The following NOS2 variants were observed in gnomAD, a reference collection of about 807,000 sequenced individuals.
NOS2 encodes nitric oxide synthase, inducible.
In NOS2, 96 loss-of-function variants were observed where a neutral mutation model predicts 136.0. That is an observed-to-expected ratio of 0.71 (90% CI 0.60 to 0.84). The LOEUF is 0.84. Among genes scored for constraint, NOS2 ranks in the 40% least tolerant of loss-of-function variants. The pLI, the probability that NOS2 is intolerant of heterozygous loss-of-function variation, is 0.00. For synonymous variants in NOS2, 539 were observed against 587.5 expected (o/e 0.92, Z 1.20); for missense variants, 1,237 against 1,496.9 (o/e 0.83, Z 2.87).
intron 11 of NOS2, among the ~76,000 whole-genome samples, chr17:27,777,265 G>A (rs1908689449): frequency 6.6e-6 from 1 of 152,234 alleles, no homozygotes; most frequent in African/African-American, 2.4e-5. Context: ...AAACACTGCT[G>A]AATGAATGAA....
rs563500218 is a variant in NOS2 at position 27,763,867 on chromosome 17, C to T, written c.2592+114G>A. The T allele has an allele frequency of 3.6e-3, 2,942 of 819,394 alleles. 9 individuals are homozygous for T. Among genetic ancestry groups the T allele is most frequent in the Middle Eastern group, 5.6e-3 (15 of 2,690 alleles). The allele number at this position is 819,394 out of a possible 1,614,324, so 50.8% of individuals were successfully genotyped here. A position where few individuals can be genotyped will look rare whatever the true frequency, so the allele number is the denominator to read the frequency against. Reference sequence around the variant, plus strand: ...TCCCACCAGCCTTTGACAAGTCTCACTTTGGGAACCTGGTGTGGATCCCTC... The same window carrying T: ...TCCCACCAGCCTTTGACAAGTCTCATTTTGGGAACCTGGTGTGGATCCCTC... On this transcript the variant is annotated intron_variant, in intron 21 of 26. Transcript: ENST00000313735.
chr17:27,770,109 C>T (rs763036032), intron 15 of NOS2, among the ~76,000 whole-genome samples: 7 of 152,196 alleles, frequency 4.6e-5, no homozygotes, highest in South Asian at 2.1e-4. Context: ...TTTCATTCTT[C>T]GGAGCACTGG....
intron 12 of NOS2, among the ~76,000 whole-genome samples, chr17:27,773,932 A>G (rs1908578966): frequency 6.6e-6 from 1 of 152,200 alleles, no homozygotes; most frequent in Admixed American, 6.5e-5. Context: ...GGCAGAATCA[A>G]TAGCGTCTGA....
intron 13 of NOS2, 28 bp from the exon 14 acceptor site, chr17:27,772,480 C>A (rs779496697): frequency 6.2e-7 from 1 of 1,612,690 alleles, no homozygotes; most frequent in Non-Finnish European, 8.5e-7. Context: ...CAGGCAGGCG[C>A]TGTGTGCTGA....
At chr17:27,791,080 T>G (rs186738054) in intron 2 of NOS2, among the ~76,000 whole-genome samples, 2 of 152,362 alleles carry the variant, frequency 1.3e-5, no homozygotes, top group East Asian at 3.9e-4. Context: ...GACTATATGT[T>G]ACCATTATAT....
chr17:27,797,637 G>A (rs1047129776), intron 2 of NOS2, among the ~76,000 whole-genome samples: 1 of 152,258 alleles, frequency 6.6e-6, no homozygotes, highest in African/African-American at 2.4e-5. Context: ...CTCTGGGGCG[G>A]TGGGGTTGTG....
chr17:27,778,967 G>A lies in NOS2; in HGVS notation c.1094C>T (p.Pro365Leu). Residue 365 changes from proline to leucine, a missense_variant, in exon 10 of 27, where the codon CCA becomes CTA. Around this residue, in one of 3 missense-constraint regions of NOS2, gnomAD observed 440 missense variants for 545.4 expected, o/e 0.81. Transcript: ENST00000313735. ...MLLEVGGLEF[P>L]GCPFNGWYMG... The stretch of plus-strand genomic sequence containing the variant: ...GTACCAGCCATTGAAGGGGCACCCT[G>A]GGAACTCCAGGCCGCCCACCTCAAG... The A allele has an allele frequency of 6.2e-7, 1 of 1,613,018 alleles. No homozygotes were observed. The highest frequency in any genetic ancestry group is 8.5e-7 in the Non-Finnish European group (1 of 1,179,216).
chr17:27,777,906 G>A (rs1039506556), intron 11 of NOS2, among the ~76,000 whole-genome samples: 10 of 152,004 alleles, frequency 6.6e-5, no homozygotes, highest in Admixed American at 1.3e-4. Flanking sequence ...TTAGGCAAGC[G>A]TGGTATGCAC....
At chr17:27,776,177 T>A (rs1597551363) in intron 11 of NOS2, among the ~76,000 whole-genome samples, 1 of 152,152 alleles carries the variant, frequency 6.6e-6, no homozygotes, top group African/African-American at 2.4e-5. Context: ...GGGCACTGCA[T>A]GAGTCAAGGC....
At chr17:27,774,567 G>T (rs981639834) in intron 11 of NOS2, 116 bp from the exon 12 acceptor site, 1 of 645,186 alleles carries the variant, frequency 1.5e-6, no homozygotes. Flanking sequence ...CTGTAACACG[G>T]GAGAGCAACT....
intron 18 of NOS2, 95 bp from the exon 19 acceptor site, chr17:27,766,683 C>T (rs1908313908): frequency 2.2e-6 from 2 of 924,478 alleles, no homozygotes; most frequent in South Asian, 1.3e-5. Flanking sequence ...ATCTGAACAC[C>T]ACCCTTGGGG....
intron 14 of NOS2, among the ~76,000 whole-genome samples, 163 bp from the exon 15 acceptor site, chr17:27,771,180 T>C (rs1797707067): frequency 6.6e-6 from 1 of 152,168 alleles, no homozygotes; most frequent in African/African-American, 2.4e-5. Context: ...AGGACGTGAA[T>C]GAACCAATTT....
intron 12 of NOS2, 150 bp from the exon 13 acceptor site, chr17:27,773,393 A>G: frequency 1.6e-6 from 1 of 641,236 alleles, no homozygotes; most frequent in South Asian, 1.9e-5. Flanking sequence ...GAACTCCCAC[A>G]AGGGAGGGCC....
chr17:27,786,795 G>A (rs1909037587), intron 5 of NOS2, among the ~76,000 whole-genome samples: 1 of 152,214 alleles, frequency 6.6e-6, no homozygotes, highest in Non-Finnish European at 1.5e-5. Flanking sequence ...CAGCTCGTAA[G>A]GGGCACAGCT....
intron 15 of NOS2, 111 bp from the exon 16 acceptor site, chr17:27,769,695 C>T (rs2151327733): frequency 2.1e-6 from 2 of 931,482 alleles, no homozygotes; most frequent in South Asian, 1.4e-5. Context: ...TCACAGCCCA[C>T]CACGGAAGTT....
At position 27,757,308 on chromosome 17, in the gene NOS2, A is replaced by G. The variant is rs1317211576; in HGVS notation, c.3400T>C (p.Tyr1134His). 2.5e-6 allele frequency: 4 copies of G among 1,614,094 alleles called. No homozygotes were observed. The highest frequency in any genetic ancestry group is 3.4e-6 in the Non-Finnish European group (4 of 1,179,996). Residue 1134 changes from tyrosine to histidine, a missense_variant, in exon 27 of 27, where the codon TAC (tyrosine) becomes CAC (histidine). Tyr to His is a moderately conservative substitution (Grantham distance 83). Around this residue, in one of 3 missense-constraint regions of NOS2, gnomAD observed 782 missense variants for 909.9 expected, o/e 0.86. Transcript: ENST00000313735. ...GCCACCCTGTCCTTCTTCGCCTCGT[A>G]AGGAAATACAGCACCAAAGATATCT... ...HEDIFGAVFPYEAKKDRVAVQ... is the reference protein window; with the variant it reads ...HEDIFGAVFPHEAKKDRVAVQ...
chr17:27,774,954 C>T (rs1477705702), intron 11 of NOS2, among the ~76,000 whole-genome samples: 2 of 152,276 alleles, frequency 1.3e-5, no homozygotes, highest in Admixed American at 6.5e-5. Context: ...GTATGGGAGA[C>T]GAATCACTCA....
In NOS2 at chr17:27,787,683, G is replaced by A; in HGVS notation, c.462C>T (p.Phe154=). ...CTGCAGGAGGCAAGCCTTACTCTTT[G>A]AAGGAGCCGTAATATTGGTTGACAA... ...IEFVNQYYGS[F]KEAKIEEHLA... Residue 154 remains phenylalanine, a synonymous_variant, in exon 5 of 27, where the codon TTC becomes TTT. Transcript: ENST00000313735. 6.2e-7 allele frequency: 1 copy of A among 1,612,134 alleles called. No homozygotes were observed. Among genetic ancestry groups the A allele is most frequent in the Non-Finnish European group, 8.5e-7 (1 of 1,179,196 alleles).
Position 27,783,070 on chromosome 17 carries a change from C to G in NOS2, c.504G>C (p.Ala168=). The change falls in exon 6 of 27, where the codon GCG becomes GCC. Residue 168 remains alanine, a synonymous_variant. Coordinates refer to ENST00000313735, the MANE Select transcript of NOS2 (RefSeq NM_000625.4). ...KIEEHLARVE[A]VTKEIETTGT... ...CTGTTGTTTCTATCTCCTTTGTTAC[C>G]GCTTCCACCCTGGCCAGATGTTCCT... 2 of 1,614,150 alleles carry G rather than the reference C, an allele frequency of 1.2e-6. No homozygotes were observed. Among genetic ancestry groups the G allele is most frequent in the Non-Finnish European group, 1.7e-6 (2 of 1,180,034 alleles).
Sources: gnomAD v4.1 joint callset for allele counts (sites outside exome capture counted in the v4.1 genomes callset) on GRCh38, gnomAD v4.1.1 for gene constraint, gnomAD v4.1.1 regional missense constraint, MANE v1.5 for transcripts, NCBI Gene and HGNC (gene_info 2026-07-23, HGNC 2026-07-21) for gene names.